RABGAP1L: variants seen among roughly 807,000 people sequenced by gnomAD.
RABGAP1L encodes the protein rab GTPase-activating protein 1-like.
A neutral mutation model predicts 137.7 loss-of-function variants in RABGAP1L; 63 were observed. The ratio of observed to expected loss-of-function variants is 0.46; its 90% CI spans 0.37 to 0.56. The LOEUF is 0.56. Among genes scored for constraint, RABGAP1L ranks in the 20% least tolerant of loss-of-function variants. The probability of loss-of-function intolerance (pLI) is 0.00; values close to 1 mark genes in which losing one functional copy is unlikely to be tolerated. For synonymous variants in RABGAP1L, 431 were observed against 433.7 expected (o/e 0.99, Z 0.08); for missense variants, 1,095 against 1,244.0 (o/e 0.88, Z 1.80).
chr1:174,663,086 C>G (rs947284873), intron 14 of RABGAP1L, among the ~76,000 whole-genome samples: 2 of 152,146 alleles, frequency 1.3e-5, no homozygotes, highest in Admixed American at 1.3e-4. Flanking sequence ...TTTATTGTAG[C>G]CTAAGCGTAC....
chr1:174,201,201 C>T (rs781057939), intron 1 of RABGAP1L, among the ~76,000 whole-genome samples: 16 of 151,934 alleles, frequency 1.1e-4, no homozygotes, highest in Admixed American at 7.2e-4. Context: ...AGCAGTAATC[C>T]GTCGCAGGCT....
rs887993162 is a variant in RABGAP1L at position 174,695,861 on chromosome 1, C to T, written c.1900-3664C>T. On this transcript the variant is annotated intron_variant, in intron 15 of 25. Coordinates refer to ENST00000681986, the MANE Select transcript of RABGAP1L (RefSeq NM_001366446.1). ...AATAATGCTGCAATTTTTGCAGACTCGCAGAGATATAGCCTTGGTGGGCTT... is the reference window on the plus strand; with the variant it reads ...AATAATGCTGCAATTTTTGCAGACTTGCAGAGATATAGCCTTGGTGGGCTT... Among the ~76,000 whole-genome samples, 4 of 152,170 alleles carry T rather than the reference C, an allele frequency of 2.6e-5. No individual in the cohort carries two copies. The South Asian group carries it at 6.2e-4, about 24-fold the overall frequency.
At chr1:174,637,310 G>A (rs1056426399) in intron 13 of RABGAP1L, 65 bp from the exon 14 acceptor site, 6 of 1,105,692 alleles carry the variant, frequency 5.4e-6, no homozygotes, top group Non-Finnish European at 6.7e-6. Context: ...TTTACCATGT[G>A]TATATATTAT....
At chr1:174,319,007 A>C (rs559125130) in intron 11 of RABGAP1L, among the ~76,000 whole-genome samples, 1 of 152,044 alleles carries the variant, frequency 6.6e-6, no homozygotes, top group South Asian at 2.1e-4. Flanking sequence ...AGTGATTTAC[A>C]TACTGCCATT....
intron 11 of RABGAP1L, among the ~76,000 whole-genome samples, chr1:174,331,432 A>C (rs1681019470): frequency 6.6e-6 from 1 of 152,196 alleles, no homozygotes; most frequent in African/African-American, 2.4e-5. Context: ...TTATGCATTC[A>C]ATAGCAAAAA....
chr1:174,420,347 A>G (rs746912710), intron 13 of RABGAP1L, among the ~76,000 whole-genome samples: 1 of 151,912 alleles, frequency 6.6e-6, no homozygotes, highest in Non-Finnish European at 1.5e-5. Context: ...CAGCCTCTTT[A>G]TTTTCACTAC....
intron 14 of RABGAP1L, among the ~76,000 whole-genome samples, chr1:174,645,051 G>T (rs964686575): frequency 6.6e-6 from 1 of 151,980 alleles, no homozygotes; most frequent in Non-Finnish European, 1.5e-5. Flanking sequence ...TGTTAAATAA[G>T]AAGATTTTAG....
chr1:174,450,322 A>C (rs751370694), intron 13 of RABGAP1L, among the ~76,000 whole-genome samples: 2 of 152,162 alleles, frequency 1.3e-5, no homozygotes, highest in Admixed American at 1.3e-4. Context: ...CATTTGTGTG[A>C]TATGCGTTTG....
intron 13 of RABGAP1L, among the ~76,000 whole-genome samples, chr1:174,571,350 G>A (rs1667966096): frequency 6.6e-6 from 1 of 152,050 alleles, no homozygotes; most frequent in Non-Finnish European, 1.5e-5. Flanking sequence ...GTAAGACCTA[G>A]TATTTGAGAG....
At chr1:174,748,924 C>A (rs1399952674) in intron 17 of RABGAP1L, among the ~76,000 whole-genome samples, 2 of 151,614 alleles carry the variant, frequency 1.3e-5, no homozygotes, top group Admixed American at 6.6e-5. Flanking sequence ...CACATGTAAT[C>A]CCGGCACTTT....
At chr1:174,962,157 A>G (rs1273127323) in intron 20 of RABGAP1L, among the ~76,000 whole-genome samples, 1 of 150,448 alleles carries the variant, frequency 6.6e-6, no homozygotes, top group Non-Finnish European at 1.5e-5. Context: ...CCTGGGCGAC[A>G]GAGTGAGACT....
chr1:174,822,229 G>C (rs1754353), intron 19 of RABGAP1L, among the ~76,000 whole-genome samples: 98,293 of 152,158 alleles, frequency 0.65, 34,270 homozygotes, highest in East Asian at 0.93. Context: ...CCGCTGCACT[G>C]CAAGCCTGGG....
chr1:174,771,966 G>T (rs376725577), intron 18 of RABGAP1L, among the ~76,000 whole-genome samples: 1 of 152,028 alleles, frequency 6.6e-6, no homozygotes, highest in Admixed American at 6.5e-5. Flanking sequence ...TTGGAAGGCC[G>T]AGGCAGGTGG....
At chr1:174,683,623 G>A (rs758773131) in intron 15 of RABGAP1L, 27 bp downstream of exon 15, 4 of 1,527,224 alleles carry the variant, frequency 2.6e-6, no homozygotes, top group Non-Finnish European at 3.6e-6. Context: ...GTGATAAATA[G>A]CACAGTGCTG....
At position 174,515,822 on chromosome 1, in the gene RABGAP1L, G is replaced by A. The variant is rs577975009; in HGVS notation, c.1711-121553G>A. ...CTTATTGCCGATAATGGTGGTAAAGGCATAACTCTGGAAATTATTTTTATT... is the reference window on the plus strand; with the variant it reads ...CTTATTGCCGATAATGGTGGTAAAGACATAACTCTGGAAATTATTTTTATT... On this transcript the variant is annotated intron_variant, in intron 13 of 25. Coordinates refer to ENST00000681986, the MANE Select transcript of RABGAP1L (RefSeq NM_001366446.1). Among the ~76,000 whole-genome samples, 33 of 152,050 alleles carry A rather than the reference G, an allele frequency of 2.2e-4. 1 individual carries two copies. In the East Asian group the frequency reaches 5.0e-3, roughly 23 times the overall value.
chr1:174,672,276 CCTTT>C (rs1283392068), intron 14 of RABGAP1L, among the ~76,000 whole-genome samples: 44 of 126,154 alleles, frequency 3.5e-4, no homozygotes, highest in Admixed American at 7.2e-4. Context: ...TTTTTTTTTT[CCTTT>C]CTTTTTTTTT....
At chr1:174,336,884 TGA>T (rs548436890) in intron 11 of RABGAP1L, among the ~76,000 whole-genome samples, 2 of 96,640 alleles carry the variant, frequency 2.1e-5, no homozygotes, top group South Asian at 3.4e-4. Context: ...TGTGTGTGTG[TGA>T]GAGAGAGAGA....
intron 17 of RABGAP1L, among the ~76,000 whole-genome samples, chr1:174,748,477 A>C (rs1684061536): frequency 6.6e-6 from 1 of 152,180 alleles, no homozygotes; most frequent in Non-Finnish European, 1.5e-5. Context: ...TTGCCAAGTT[A>C]CAGACCATGA....
Position 174,877,395 on chromosome 1 carries a change from G to T in RABGAP1L, c.2340+65435G>T, listed in dbSNP as rs751472937. 12 of 1,572,672 alleles carry T rather than the reference G, an allele frequency of 7.6e-6. No individual in the cohort carries two copies. The South Asian group carries it at 1.4e-4, about 18-fold the overall frequency. ...CACTCCACCCCCTCGAACTCAGGTG[G>T]GTGTGTACACTGGCACTGAGCTGCA... On this transcript the variant is annotated intron_variant, in intron 19 of 25. Coordinates refer to ENST00000681986, the MANE Select transcript of RABGAP1L (RefSeq NM_001366446.1).
Sources: gnomAD v4.1 joint callset for allele counts (sites outside exome capture counted in the v4.1 genomes callset) on GRCh38, gnomAD v4.1.1 for gene constraint, MANE v1.5 for transcripts, NCBI Gene and HGNC (gene_info 2026-07-23, HGNC 2026-07-21) for gene names.